Variants in NTMT1 observed in about 807,000 individuals in gnomAD.
The protein encoded by NTMT1 is N-terminal Xaa-Pro-Lys N-methyltransferase 1, also known as N-terminal RCC1 methyltransferase.
NTMT1 carries 8 observed loss-of-function variants against 17.5 expected under a neutral mutation model. The observed-to-expected ratio is 0.46, with a 90% CI of 0.27 to 0.82. The LOEUF (loss-of-function observed/expected upper bound fraction) is 0.82. NTMT1 is among the 40% of genes least tolerant of loss of function. The probability of loss-of-function intolerance (pLI) is 0.15; values close to 1 mark genes in which losing one functional copy is unlikely to be tolerated. For synonymous variants in NTMT1, 128 were observed against 126.8 expected, an observed-to-expected ratio of 1.01 and a Z score of -0.06; for missense variants, 221 against 303.5, an observed-to-expected ratio of 0.73 and a Z score of 2.02.
chr9:129,612,977 A>G, intron 1 of NTMT1: 1 of 1,189,414 alleles, frequency 8.4e-7, no homozygotes, highest in East Asian at 2.5e-5. Flanking sequence ...GCAAGCCCCC[A>G]CGGTGACTTG....
In NTMT1 at chr9:129,635,643, G is replaced by GT; in HGVS notation, c.*179_*180insT. On this transcript the variant is annotated 3_prime_UTR_variant, in exon 4 of 4. Transcript: ENST00000372483. The stretch of plus-strand genomic sequence containing the variant: ...AAAAGGCAAGGTGGGACCCGGCGGG[G>GT]AGGGTGCTGCTGAACCAGCGGTGAG... 3.9e-6 allele frequency: 3 copies of GT among 773,062 alleles called. No homozygotes were observed. Among genetic ancestry groups the GT allele is most frequent in the Non-Finnish European group, 6.2e-6 (3 of 480,328 alleles). 47.9% of individuals were successfully genotyped at this position (773,062 alleles called of 1,614,324 possible). A position where few individuals can be genotyped will look rare whatever the true frequency, so the allele number is the denominator to read the frequency against.
chr9:129,622,442 G>C (rs1461687803), upstream of NTMT1, among the ~76,000 whole-genome samples: 1 of 152,050 alleles, frequency 6.6e-6, no homozygotes, highest in Non-Finnish European at 1.5e-5. Flanking sequence ...GCAGTGAGCT[G>C]AGATCATGCC....
rs147521610 is a variant in NTMT1 at position 129,613,527 on chromosome 9, G to C, written c.-55+4349G>C. 1.7e-5 allele frequency: 27 copies of C among 1,614,026 alleles called. No individual in the cohort carries two copies. In the Admixed American group the frequency reaches 4.2e-4, roughly 25 times the overall value. On this transcript the variant is annotated intron_variant, in intron 1 of 3. Transcript: ENST00000372486. The surrounding 1 kb of genome is among the most constrained non-coding windows in gnomAD (Gnocchi z 6.2). The stretch of plus-strand genomic sequence containing the variant: ...TGGGCAAACTCTCCAGCCGTTTTCC[G>C]ACACTCCCAAACACCCGCTCGGACG...
rs758976003 is a variant in NTMT1 at position 129,635,508 on chromosome 9, G to A, written c.*44G>A. 1.6e-5 allele frequency: 25 copies of A among 1,576,906 alleles called. No homozygotes were observed. The East Asian group carries it at 4.3e-4, about 27-fold the overall frequency. On this transcript the variant is annotated 3_prime_UTR_variant, in exon 4 of 4. Coordinates refer to ENST00000372483, the MANE Select transcript of NTMT1 (RefSeq NM_014064.4). ...AACTGAGGAACCACAGTCCTGGTGGGGGGAGCTGGCAGCTGGGCAAGATCC... is the reference window on the plus strand; with the variant it reads ...AACTGAGGAACCACAGTCCTGGTGGAGGGAGCTGGCAGCTGGGCAAGATCC...
upstream of NTMT1, among the ~76,000 whole-genome samples, chr9:129,625,344 G>A (rs1320924851): frequency 6.6e-6 from 1 of 152,276 alleles, no homozygotes; most frequent in South Asian, 2.1e-4. Context: ...ATTTTGGGGG[G>A]TCGGTATTAT....
At chr9:129,629,500 C>T (rs368542011) in intron 1 of NTMT1, among the ~76,000 whole-genome samples, 8 of 152,280 alleles carry the variant, frequency 5.3e-5, no homozygotes, top group African/African-American at 1.4e-4. Flanking sequence ...AAGTGATCCT[C>T]CCACCTCAGT....
At chr9:129,619,392 T>C in intron 1 of NTMT1, 1 of 713,758 alleles carries the variant, frequency 1.4e-6, no homozygotes. Context: ...CGGACAGCCA[T>C]ATGTAAGGAT....
At position 129,613,455 on chromosome 9, in the gene NTMT1, CGAG is replaced by C; in HGVS notation, c.-55+4281_-55+4283del. 1 of 1,614,008 alleles carries C rather than the reference CGAG, an allele frequency of 6.2e-7. No individual in the cohort carries two copies. Among genetic ancestry groups the C allele is most frequent in the Non-Finnish European group, 8.5e-7 (1 of 1,180,022 alleles). Reference sequence around the variant, plus strand: ...CTCACAGGCCAGCGCAGTCCCAACACGAGGAGCTGGCCAGGGTCTCCTCCTTGG... The same window carrying C: ...CTCACAGGCCAGCGCAGTCCCAACACGAGCTGGCCAGGGTCTCCTCCTTGG... On this transcript the variant is annotated intron_variant, in intron 1 of 3. Coordinates refer to the NTMT1 transcript ENST00000372486. This position sits in a 1 kb window ranked among gnomAD's most constrained non-coding sequence, Gnocchi z 6.2.
intron 1 of NTMT1, among the ~76,000 whole-genome samples, chr9:129,629,389 A>ATTC (rs34646462): frequency 0.96 from 145,164 of 151,302 alleles, 69,639 homozygotes; most frequent in Middle Eastern, 0.99. Flanking sequence ...AGAAGAATTC[A>ATTC]TTCTTCTTCT....
upstream of NTMT1, among the ~76,000 whole-genome samples, chr9:129,622,721 ACT>A (rs950567014): frequency 5.9e-5 from 9 of 151,866 alleles, no homozygotes; most frequent in Non-Finnish European, 1.0e-4. Flanking sequence ...ATCATTTGAG[ACT>A]CTGTCTCACA....
Position 129,612,100 on chromosome 9 carries a change from G to C in NTMT1, c.-55+2922G>C, listed in dbSNP as rs574803878. On this transcript the variant is annotated intron_variant, in intron 1 of 3. Coordinates refer to the NTMT1 transcript ENST00000372486. Reference sequence around the variant, plus strand: ...AGGGTCTCCCACCTTCCAGAAGAGGGGTTCACTACAAGTCCTGAACCCCAG... The same window carrying C: ...AGGGTCTCCCACCTTCCAGAAGAGGCGTTCACTACAAGTCCTGAACCCCAG... The C allele has an allele frequency of 6.7e-5, 30 of 447,850 alleles. No homozygotes were observed. The South Asian group carries it at 8.4e-4, about 13-fold the overall frequency. The allele number at this position is 447,850 out of a possible 1,614,324, so 27.7% of individuals were successfully genotyped here. A position where few individuals can be genotyped will look rare whatever the true frequency, so the allele number is the denominator to read the frequency against.
rs1241208270 is a variant in NTMT1 at position 129,634,207 on chromosome 9, G to T, written c.316G>T (p.Glu106Ter). 1 of 1,614,202 alleles carries T rather than the reference G, an allele frequency of 6.2e-7. No individual in the cohort carries two copies. Among genetic ancestry groups the T allele is most frequent in the Non-Finnish European group, 8.5e-7 (1 of 1,180,030 alleles). ...FLVQAKTYLG[E>*]EGKRVRNYFC... ...GGTTCAAGCCAAGACCTACCTGGGG[G>T]AGGAGGGCAAGAGGGTGAGGAACTA... Residue 106 changes from glutamate to a stop codon, truncating the protein, a stop_gained, in exon 3 of 4, where the codon GAG becomes TAG. Coordinates refer to ENST00000372483, the MANE Select transcript of NTMT1 (RefSeq NM_014064.4). LOFTEE classifies it high-confidence loss of function.
rs992176585 is a variant in NTMT1 at position 129,614,444 on chromosome 9, G to C, written c.-55+5266G>C. Among the ~76,000 whole-genome samples the C allele has an allele frequency of 6.6e-6, 1 of 152,220 alleles. No individual in the cohort carries two copies. The highest frequency in any genetic ancestry group is 2.4e-5 in the African/African-American group (1 of 41,452). The stretch of plus-strand genomic sequence containing the variant: ...CAGACATTTCCTGAAACTGCACATA[G>C]TGGGTGCTCAATAAACAGCTAGAGG... On this transcript the variant is annotated intron_variant, in intron 1 of 3. Transcript: ENST00000372486. This position sits in a 1 kb window ranked among gnomAD's most constrained non-coding sequence, Gnocchi z 4.4.
chr9:129,633,955 T>C (rs1310961337), intron 2 of NTMT1, 99 bp from the exon 3 acceptor site: 3 of 1,401,714 alleles, frequency 2.1e-6, no homozygotes, highest in African/African-American at 1.4e-5. Flanking sequence ...TGCGGAGTCC[T>C]GGAATCCTGA....
chr9:129,622,160 A>G (rs887484833), upstream of NTMT1, among the ~76,000 whole-genome samples: 7 of 152,090 alleles, frequency 4.6e-5, no homozygotes, highest in Admixed American at 4.6e-4. Flanking sequence ...TAGAACTTCC[A>G]CCCCAAGACC....
intron 1 of NTMT1, among the ~76,000 whole-genome samples, chr9:129,629,207 T>C (rs1320063302): frequency 6.6e-6 from 1 of 152,024 alleles, no homozygotes; most frequent in Non-Finnish European, 1.5e-5. Context: ...ACATGGTTGC[T>C]CCGGTACCTG....
chr9:129,622,313 T>C (rs1041081014), upstream of NTMT1, among the ~76,000 whole-genome samples: 16 of 152,130 alleles, frequency 1.1e-4, no homozygotes, highest in Middle Eastern at 3.2e-3. Context: ...GCCAACATGG[T>C]GAAACCTCGT....
chr9:129,630,839 T>C (rs1424883715), intron 1 of NTMT1, among the ~76,000 whole-genome samples: 2 of 152,250 alleles, frequency 1.3e-5, no homozygotes, highest in Admixed American at 6.5e-5. Context: ...TTTATCAGGA[T>C]GTAGCAGCTG....
intron 3 of NTMT1, chr9:129,634,966 C>G (rs1831440421): frequency 1.9e-6 from 1 of 537,826 alleles, no homozygotes. Context: ...GACTTGTAAG[C>G]CATCCCGTCA....
Sources: gnomAD v4.1 joint callset for allele counts (sites outside exome capture counted in the v4.1 genomes callset) on GRCh38, gnomAD v4.1.1 for gene constraint, Gnocchi (gnomAD v3.1) non-coding constraint, MANE v1.5 for transcripts, NCBI Gene and HGNC (gene_info 2026-07-23, HGNC 2026-07-21) for gene names.